Variants in ADAMTS3 observed in about 807,000 individuals in gnomAD.
The protein encoded by ADAMTS3 is ADAM metallopeptidase with thrombospondin type 1 motif 3, also known as A disintegrin and metalloproteinase with thrombospondin motifs 3.
A neutral mutation model predicts 129.0 loss-of-function variants in ADAMTS3; 73 were observed. The observed-to-expected ratio is 0.57, with a 90% CI of 0.47 to 0.69. The LOEUF is 0.69. Ranked by LOEUF, ADAMTS3 falls within the 30% of genes least tolerant of loss-of-function variation. The pLI is 0.00. For missense variants in ADAMTS3, 1,457 were observed against 1,514.5 expected (o/e 0.96, Z 0.63); for synonymous variants, 477 against 510.8 (o/e 0.93, Z 0.89).
Position 72,392,775 on chromosome 4 carries a change from C to A in ADAMTS3, c.661+22040G>T, listed in dbSNP as rs139741538. ...TTCTTTGCCTAAAACAAATTTTTTT[C>A]ACTTTATTTTTACTCTAAGTTAATT... On this transcript the variant is annotated intron_variant, in intron 4 of 21. Transcript: ENST00000286657. Among the ~76,000 whole-genome samples the A allele has an allele frequency of 2.2e-3, 333 of 152,076 alleles. 1 individual carries two copies. The South Asian group carries it at 0.022, about 10-fold the overall frequency.
intron 4 of ADAMTS3, among the ~76,000 whole-genome samples, chr4:72,407,462 G>A (rs905645134): frequency 6.6e-5 from 10 of 152,062 alleles, no homozygotes; most frequent in African/African-American, 2.2e-4. Flanking sequence ...AAAACCTGAC[G>A]AAACTTGAAA....
rs1719021021 is a variant in ADAMTS3 at position 72,304,009 on chromosome 4, T to C, written c.2332A>G (p.Ile778Val). 2 of 1,613,796 alleles carry C rather than the reference T, an allele frequency of 1.2e-6. No individual in the cohort carries two copies. Among genetic ancestry groups the C allele is most frequent in the Non-Finnish European group, 1.7e-6 (2 of 1,179,770 alleles). Reference sequence around the variant, plus strand: ...TAATCCCACTCCACACCAAGATCTATGAAGGTCCGCGACTTGGCTTCCTCC... The same window carrying C: ...TAATCCCACTCCACACCAAGATCTACGAAGGTCCGCGACTTGGCTTCCTCC... The part of the protein sequence containing the change: ...KGEEAKSRTF[I>V]DLGVEWDYNI... The change falls in exon 17 of 22, where the codon ATA becomes GTA. Residue 778 changes from isoleucine (I) to valine (V), a missense_variant. Transcript: ENST00000286657.
intron 11 of ADAMTS3, among the ~76,000 whole-genome samples, chr4:72,314,391 G>C (rs1378725918): frequency 6.6e-6 from 1 of 152,064 alleles, no homozygotes; most frequent in Non-Finnish European, 1.5e-5. Flanking sequence ...GGCCCAGAAA[G>C]GTTCATAAGT....
intron 3 of ADAMTS3, among the ~76,000 whole-genome samples, chr4:72,496,737 G>C (rs965768734): frequency 1.3e-5 from 2 of 152,040 alleles, no homozygotes; most frequent in Non-Finnish European, 2.9e-5. Context: ...TGGGATATAA[G>C]AGAGTGGTAA....
chr4:72,501,805 GT>G (rs60617253), intron 3 of ADAMTS3, among the ~76,000 whole-genome samples: 151,297 of 152,152 alleles, frequency 0.99, 75,227 homozygotes, highest in Middle Eastern at 1. Context: ...TTTCCTGAGG[GT>G]TTTTTTATCA....
At chr4:72,296,090 G>A (rs1045382088) in intron 18 of ADAMTS3, among the ~76,000 whole-genome samples, 1 of 152,032 alleles carries the variant, frequency 6.6e-6, no homozygotes, top group Non-Finnish European at 1.5e-5. Flanking sequence ...AATACTTAGT[G>A]ACATAGGCTT....
chr4:72,567,120 T>G (rs1206287053), intron 2 of ADAMTS3, among the ~76,000 whole-genome samples: 1 of 152,194 alleles, frequency 6.6e-6, no homozygotes, highest in Non-Finnish European at 1.5e-5. Context: ...TATCAGTGGC[T>G]TGTACAAAGA....
chr4:72,410,895 G>A (rs909082654), intron 4 of ADAMTS3, among the ~76,000 whole-genome samples: 1 of 152,040 alleles, frequency 6.6e-6, no homozygotes, highest in Non-Finnish European at 1.5e-5. Context: ...TTTGTCATAA[G>A]CATGCCAAGT....
rs1261381383 is a variant in ADAMTS3 at position 72,565,656 on chromosome 4, G to A, written c.97+1718C>T. Among the ~76,000 whole-genome samples, 6 of 152,132 alleles carry A rather than the reference G, an allele frequency of 3.9e-5. No individual in the cohort carries two copies. In the South Asian group the frequency reaches 1.0e-3, roughly 26 times the overall value. On this transcript the variant is annotated intron_variant, in intron 2 of 21. Transcript: ENST00000286657. ...GAAATCCCATAAAACAGATGAATAT[G>A]GGAACAAGTAAATCTTCAGCACTAC... is the stretch of plus-strand genomic sequence containing the variant.
intron 4 of ADAMTS3, among the ~76,000 whole-genome samples, chr4:72,345,887 T>A (rs1431969140): frequency 6.6e-6 from 1 of 152,064 alleles, no homozygotes; most frequent in East Asian, 1.9e-4. Flanking sequence ...TGACTGGCAG[T>A]AAAAAACTTC....
At chr4:72,383,190 T>C (rs776988673) in intron 4 of ADAMTS3, among the ~76,000 whole-genome samples, 2 of 151,974 alleles carry the variant, frequency 1.3e-5, no homozygotes, top group Non-Finnish European at 2.9e-5. Flanking sequence ...TCTGGGATGG[T>C]TAAGTACTTC....
chr4:72,314,571 A>C (rs1237017251), intron 11 of ADAMTS3, among the ~76,000 whole-genome samples: 1 of 152,212 alleles, frequency 6.6e-6, no homozygotes, highest in Non-Finnish European at 1.5e-5. Context: ...AGCATTTGTT[A>C]AAACTCAACT....
chr4:72,504,371 GTC>G (rs1285077036), intron 3 of ADAMTS3, among the ~76,000 whole-genome samples: 1 of 152,114 alleles, frequency 6.6e-6, no homozygotes, highest in Non-Finnish European at 1.5e-5. Context: ...GGACTTCCTT[GTC>G]TTTAAGAAGG....
At chr4:72,314,373 A>G (rs1055424284) in intron 11 of ADAMTS3, among the ~76,000 whole-genome samples, 15 of 152,142 alleles carry the variant, frequency 9.9e-5, no homozygotes, top group African/African-American at 3.6e-4. Context: ...TTAGATGAGG[A>G]AAATTGAGGC....
intron 4 of ADAMTS3, among the ~76,000 whole-genome samples, chr4:72,350,104 T>G (rs976491358): frequency 6.6e-6 from 1 of 152,014 alleles, no homozygotes; most frequent in Non-Finnish European, 1.5e-5. Flanking sequence ...TAACAAACCT[T>G]TTTTGCATTC....
intron 3 of ADAMTS3, among the ~76,000 whole-genome samples, chr4:72,445,252 CTACTTTGTA>C (rs1175236984): frequency 6.6e-6 from 1 of 151,660 alleles, no homozygotes; most frequent in Non-Finnish European, 1.5e-5. Flanking sequence ...ACACAGGGAT[CTACTTTGTA>C]TATAAAAAGA....
In ADAMTS3 at chr4:72,303,907, T is replaced by C; in HGVS notation, c.2424+10A>G. 6.2e-7 allele frequency: 1 copy of C among 1,612,966 alleles called. No individual in the cohort carries two copies. Among genetic ancestry groups the C allele is most frequent in the Non-Finnish European group, 8.5e-7 (1 of 1,179,276 alleles). ...AGCTAACTATACCATGAGCCCATAA[T>C]GCCACATACCAAAACAATAACAGGA... is the stretch of plus-strand genomic sequence containing the variant. On this transcript the variant is annotated intron_variant, in intron 17 of 21. Transcript: ENST00000286657.
intron 2 of ADAMTS3, among the ~76,000 whole-genome samples, chr4:72,564,503 CT>C (rs1180807030): frequency 3.3e-5 from 5 of 152,068 alleles, no homozygotes; most frequent in African/African-American, 2.4e-5. Flanking sequence ...CAGAAACATA[CT>C]CAAACACACA....
intron 3 of ADAMTS3, among the ~76,000 whole-genome samples, chr4:72,468,114 T>C (rs1388209659): frequency 6.6e-6 from 1 of 152,098 alleles, no homozygotes; most frequent in Non-Finnish European, 1.5e-5. Flanking sequence ...TTTCTTTAAG[T>C]AGAGCTCAAG....
Sources: gnomAD v4.1 joint callset for allele counts (sites outside exome capture counted in the v4.1 genomes callset) on GRCh38, gnomAD v4.1.1 for gene constraint, MANE v1.5 for transcripts, NCBI Gene and HGNC (gene_info 2026-07-23, HGNC 2026-07-21) for gene names.